PTCHD4: variants seen among roughly 807,000 people sequenced by gnomAD.
The protein encoded by PTCHD4 is patched domain containing 4, also known as patched domain-containing protein 4.
Under a neutral mutation model 58.1 loss-of-function variants are expected in PTCHD4, and 33 were observed. The observed-to-expected ratio is 0.57, with a 90% CI of 0.43 to 0.76. The LOEUF is 0.76. PTCHD4 is among the 30% of genes least tolerant of loss of function. The pLI, the probability that PTCHD4 is intolerant of heterozygous loss-of-function variation, is 0.00. For missense variants in PTCHD4, 1,058 were observed against 1,027.1 expected (o/e 1.03, Z -0.41); for synonymous variants, 478 against 409.6 (o/e 1.17, Z -2.02).
intron 3 of PTCHD4, among the ~76,000 whole-genome samples, chr6:48,062,929 C>T (rs190485035): frequency 1.0e-3 from 157 of 152,236 alleles, no homozygotes; most frequent in East Asian, 5.4e-3. Context: ...AAGAAGCTGA[C>T]GCCTACATTG....
intron 4 of PTCHD4, among the ~76,000 whole-genome samples, chr6:47,989,962 C>A (rs534957523): frequency 5.3e-5 from 8 of 152,176 alleles, no homozygotes; most frequent in Admixed American, 3.9e-4. Flanking sequence ...ACAAAAGCAA[C>A]CAGGAGGGGG....
intron 4 of PTCHD4, among the ~76,000 whole-genome samples, chr6:47,979,239 A>G (rs984718299): frequency 6.6e-6 from 1 of 152,156 alleles, no homozygotes; most frequent in Non-Finnish European, 1.5e-5. Context: ...AGTGTTTTAT[A>G]TCTTGATGAG....
At chr6:47,977,113 T>C (rs1269637861) in intron 4 of PTCHD4, among the ~76,000 whole-genome samples, 2 of 152,196 alleles carry the variant, frequency 1.3e-5, no homozygotes, top group Non-Finnish European at 2.9e-5. Flanking sequence ...TTGTGTACTC[T>C]GTTTTACCAA....
intron 1 of PTCHD4, among the ~76,000 whole-genome samples, chr6:48,099,903 A>T (rs1057271015): frequency 6.6e-6 from 1 of 152,220 alleles, no homozygotes. Context: ...AGATAACCTC[A>T]TTGGAAATTC....
intron 4 of PTCHD4, among the ~76,000 whole-genome samples, chr6:47,981,872 G>A (rs1258736440): frequency 6.6e-6 from 1 of 152,164 alleles, no homozygotes. Context: ...TGCATTTCCA[G>A]TTGTCATCCA....
At chr6:48,054,765 G>A (rs967910862) in intron 3 of PTCHD4, among the ~76,000 whole-genome samples, 1 of 152,134 alleles carries the variant, frequency 6.6e-6, no homozygotes, top group African/African-American at 2.4e-5. Context: ...TGACAACCGT[G>A]TATTTTATAG....
chr6:47,878,497 TGAA>T lies in PTCHD4; in HGVS notation c.2335_2337del (p.Phe779del). 1 of 1,613,426 alleles carries T rather than the reference TGAA, an allele frequency of 6.2e-7. No homozygotes were observed. The highest frequency in any genetic ancestry group is 8.5e-7 in the Non-Finnish European group (1 of 1,179,686). On this transcript the variant is annotated inframe_deletion, in exon 5 of 5. Coordinates refer to ENST00000339488, the MANE Select transcript of PTCHD4 (RefSeq NM_001384253.1). ...GTGAGCAGCAAGCATTTGAACAGTGTGAAGGTCAGGTTCGAAGGCACAAATAGA... is the reference window on the plus strand; with the variant it reads ...GTGAGCAGCAAGCATTTGAACAGTGTGGTCAGGTTCGAAGGCACAAATAGA...
chr6:47,986,565 A>G (rs1436916410), intron 4 of PTCHD4, among the ~76,000 whole-genome samples: 17 of 152,258 alleles, frequency 1.1e-4, no homozygotes, highest in Non-Finnish European at 1.2e-4. Context: ...ATCTTTTGAT[A>G]TGGAGATATA....
chr6:47,938,100 C>G (rs1317874289), intron 4 of PTCHD4, among the ~76,000 whole-genome samples: 1 of 152,124 alleles, frequency 6.6e-6, no homozygotes, highest in Non-Finnish European at 1.5e-5. Flanking sequence ...TTGCAGTGAG[C>G]TGAGATTGCA....
chr6:47,901,618 A>G (rs1764707045), intron 4 of PTCHD4: 1 of 1,070,010 alleles, frequency 9.3e-7, no homozygotes, highest in East Asian at 7.2e-5. Context: ...GGTGGGAGAT[A>G]GAAAAGACAG....
chr6:48,000,150 C>G (rs1177385294), intron 4 of PTCHD4, among the ~76,000 whole-genome samples: 1 of 152,144 alleles, frequency 6.6e-6, no homozygotes, highest in Non-Finnish European at 1.5e-5. Context: ...ATCCCTGAGT[C>G]TCTGTTGGAA....
At chr6:47,921,086 A>C (rs903132618) in intron 4 of PTCHD4, among the ~76,000 whole-genome samples, 1 of 152,208 alleles carries the variant, frequency 6.6e-6, no homozygotes. Flanking sequence ...ACTGGCTAAC[A>C]TTTAAAGAAA....
intron 3 of PTCHD4, among the ~76,000 whole-genome samples, chr6:48,045,200 C>T (rs1237098084): frequency 6.6e-6 from 1 of 151,810 alleles, no homozygotes; most frequent in African/African-American, 2.4e-5. Flanking sequence ...GAGACAACTG[C>T]ATGCTGTACT....
intron 4 of PTCHD4, among the ~76,000 whole-genome samples, chr6:48,000,437 C>T (rs1376784641): frequency 4.6e-5 from 7 of 152,148 alleles, no homozygotes; most frequent in African/African-American, 1.7e-4. Context: ...AAACAGCAAC[C>T]ATGTTTACTC....
At chr6:48,018,209 A>G (rs1447267771) in intron 3 of PTCHD4, among the ~76,000 whole-genome samples, 3 of 152,198 alleles carry the variant, frequency 2.0e-5, no homozygotes, top group Non-Finnish European at 4.4e-5. Flanking sequence ...TTCAAGTTCC[A>G]TTTCTGCTAC....
At chr6:48,017,160 G>A (rs1762896087) in intron 3 of PTCHD4, among the ~76,000 whole-genome samples, 1 of 151,426 alleles carries the variant, frequency 6.6e-6, no homozygotes, top group Admixed American at 6.6e-5. Context: ...ATATATCTTT[G>A]TTTTATTACC....
chr6:48,100,492 C>A (rs930993406), intron 1 of PTCHD4, among the ~76,000 whole-genome samples: 4 of 152,182 alleles, frequency 2.6e-5, no homozygotes, highest in African/African-American at 9.7e-5. Flanking sequence ...CCAAGTTCAT[C>A]TGAATCCTTT....
At chr6:48,004,722 G>A (rs1762362485) in intron 4 of PTCHD4, among the ~76,000 whole-genome samples, 2 of 152,076 alleles carry the variant, frequency 1.3e-5, no homozygotes, top group Admixed American at 1.3e-4. Context: ...TTTGAGACCA[G>A]CCTGGCCAAC....
At chr6:47,982,296 C>A (rs1767906660) in intron 4 of PTCHD4, among the ~76,000 whole-genome samples, 1 of 152,078 alleles carries the variant, frequency 6.6e-6, no homozygotes, top group Non-Finnish European at 1.5e-5. Context: ...CAAGTCCCAT[C>A]TCCCTTTGGA....
Sources: gnomAD v4.1 joint callset for allele counts (sites outside exome capture counted in the v4.1 genomes callset) on GRCh38, gnomAD v4.1.1 for gene constraint, MANE v1.5 for transcripts, NCBI Gene and HGNC (gene_info 2026-07-23, HGNC 2026-07-21) for gene names.